NCOA7: variants seen among roughly 807,000 people sequenced by gnomAD.
NCOA7 encodes nuclear receptor coactivator 7.
In NCOA7, 45 loss-of-function variants were observed where a neutral mutation model predicts 104.3. The observed-to-expected ratio is 0.43, with a 90% confidence interval of 0.34 to 0.55. The LOEUF (loss-of-function observed/expected upper bound fraction) is 0.55. NCOA7 is among the 20% of genes least tolerant of loss of function. The pLI is 0.02. For synonymous variants in NCOA7, 398 were observed against 402.3 expected (o/e 0.99, Z 0.13); for missense variants, 1,041 against 1,119.7 (o/e 0.93, Z 1.00).
At chr6:125,913,996 GCA>G (rs1252410217) in intron 10 of NCOA7, among the ~76,000 whole-genome samples, 2 of 152,216 alleles carry the variant, frequency 1.3e-5, no homozygotes, top group African/African-American at 4.8e-5. Context: ...GACACAAACT[GCA>G]ATGCTGACGT....
chr6:125,839,913 T>C (rs962956897), intron 2 of NCOA7, among the ~76,000 whole-genome samples: 2 of 151,998 alleles, frequency 1.3e-5, no homozygotes, highest in African/African-American at 4.8e-5. Flanking sequence ...GTGTTACTGG[T>C]TTATGTATTT....
At chr6:125,794,163 G>A (rs536228133) in intron 1 of NCOA7, among the ~76,000 whole-genome samples, 2 of 152,220 alleles carry the variant, frequency 1.3e-5, no homozygotes, top group South Asian at 2.1e-4. Context: ...TGTTACTTTC[G>A]AAATGTGGTT....
At chr6:125,898,964 G>A (rs577191417) in intron 10 of NCOA7, among the ~76,000 whole-genome samples, 16 of 152,118 alleles carry the variant, frequency 1.1e-4, no homozygotes, top group African/African-American at 3.6e-4. Flanking sequence ...TATCTGTATA[G>A]CCTTTTAGCC....
chr6:125,803,341 A>G (rs1776092288), intron 1 of NCOA7, among the ~76,000 whole-genome samples: 1 of 152,110 alleles, frequency 6.6e-6, no homozygotes, highest in Non-Finnish European at 1.5e-5. Flanking sequence ...TGTAAATCTT[A>G]TCTCCCTTGT....
At chr6:125,855,873 C>T (rs569672825) in intron 3 of NCOA7, among the ~76,000 whole-genome samples, 7 of 152,116 alleles carry the variant, frequency 4.6e-5, no homozygotes, top group African/African-American at 9.6e-5. Flanking sequence ...TTAGTAGAGA[C>T]GGGGTTTCAC....
At chr6:125,904,345 C>T (rs995906654) in intron 10 of NCOA7, among the ~76,000 whole-genome samples, 7 of 152,180 alleles carry the variant, frequency 4.6e-5, no homozygotes, top group African/African-American at 1.7e-4. Context: ...TCTCCACCAC[C>T]TGAGCACCTT....
chr6:125,782,865 G>T (rs1421298244), intron 1 of NCOA7, among the ~76,000 whole-genome samples: 1 of 152,126 alleles, frequency 6.6e-6, no homozygotes, highest in Non-Finnish European at 1.5e-5. Flanking sequence ...AAGGAACTTT[G>T]CAAATGTGAT....
intron 2 of NCOA7, among the ~76,000 whole-genome samples, chr6:125,837,225 C>G (rs562801395): frequency 1.3e-5 from 2 of 152,074 alleles, no homozygotes; most frequent in Non-Finnish European, 2.9e-5. Flanking sequence ...TCATCTTTCC[C>G]GGATTGAAGT....
At chr6:125,912,116 A>G (rs565409244) in intron 10 of NCOA7, among the ~76,000 whole-genome samples, 2 of 152,318 alleles carry the variant, frequency 1.3e-5, no homozygotes, top group East Asian at 1.9e-4. Context: ...CAGACCTTCA[A>G]TTCGTGCTGT....
chr6:125,917,521 A>G (rs111276217), intron 11 of NCOA7, among the ~76,000 whole-genome samples: 7,814 of 152,038 alleles, frequency 0.051, 270 homozygotes, highest in Non-Finnish European at 0.075. Context: ...GGTCACCCCA[A>G]CCTCCTTTGA....
chr6:125,789,816 G>T (rs990738276), upstream of NCOA7, among the ~76,000 whole-genome samples: 2 of 152,230 alleles, frequency 1.3e-5, no homozygotes, highest in African/African-American at 4.8e-5. Context: ...AGAGGAGGCT[G>T]CTATCTAGTT....
At chr6:125,909,790 A>T (rs143647849) in intron 10 of NCOA7, among the ~76,000 whole-genome samples, 1 of 152,268 alleles carries the variant, frequency 6.6e-6, no homozygotes, top group Non-Finnish European at 1.5e-5. Context: ...AGCCTGGGTG[A>T]CAGAGTGAGA....
intron 3 of NCOA7, among the ~76,000 whole-genome samples, chr6:125,871,126 G>A (rs948736545): frequency 3.9e-5 from 6 of 152,154 alleles, no homozygotes; most frequent in South Asian, 2.1e-4. Context: ...ATACTTTTGC[G>A]TCATTTGCCT....
At chr6:125,904,081 A>G (rs1340177643) in intron 10 of NCOA7, among the ~76,000 whole-genome samples, 2 of 152,180 alleles carry the variant, frequency 1.3e-5, no homozygotes, top group Admixed American at 6.5e-5. Flanking sequence ...ACACTTCAGG[A>G]AACAGTGGCC....
At chr6:125,887,850 G>A (rs1240034478) in intron 8 of NCOA7, among the ~76,000 whole-genome samples, 1 of 152,150 alleles carries the variant, frequency 6.6e-6, no homozygotes, top group Non-Finnish European at 1.5e-5. Context: ...GTAGTGGTAA[G>A]TGGATGGGTT....
chr6:125,890,212 C>T (rs1431869220), intron 9 of NCOA7, among the ~76,000 whole-genome samples: 2 of 152,174 alleles, frequency 1.3e-5, no homozygotes, highest in Non-Finnish European at 2.9e-5. Context: ...AAGTCGTTTA[C>T]TTTTAATCTT....
intron 2 of NCOA7, among the ~76,000 whole-genome samples, chr6:125,844,973 TA>T (rs1780474906): frequency 6.6e-6 from 1 of 152,178 alleles, no homozygotes; most frequent in Non-Finnish European, 1.5e-5. Context: ...TAATCACCAT[TA>T]AAAACCCATT....
chr6:125,929,399 T>G lies in NCOA7; in HGVS notation c.*628T>G, dbSNP rs1356398720. The G allele has an allele frequency of 6.6e-6, 1 of 152,052 alleles. No homozygotes were observed. The highest frequency in any genetic ancestry group is 2.4e-5 in the African/African-American group (1 of 41,406). 9.4% of individuals were successfully genotyped at this position (152,052 alleles called of 1,614,324 possible). A position where few individuals can be genotyped will look rare whatever the true frequency, so the allele number is the denominator to read the frequency against. ...ACAAATCTGTTTGATTTATATAGTT[T>G]TATATTGAATTTTTTTTGCCCTGAT... On this transcript the variant is annotated 3_prime_UTR_variant, in exon 16 of 16. Coordinates refer to ENST00000392477, the MANE Select transcript of NCOA7 (RefSeq NM_181782.5).
At chr6:125,814,451 G>C (rs1479422887) in intron 1 of NCOA7, among the ~76,000 whole-genome samples, 1 of 152,152 alleles carries the variant, frequency 6.6e-6, no homozygotes, top group Non-Finnish European at 1.5e-5. Context: ...CCACCGCACA[G>C]CCTGCTTTTT....
Sources: gnomAD v4.1 joint callset for allele counts (sites outside exome capture counted in the v4.1 genomes callset) on GRCh38, gnomAD v4.1.1 for gene constraint, MANE v1.5 for transcripts, NCBI Gene and HGNC (gene_info 2026-07-23, HGNC 2026-07-21) for gene names.